The following ARHGAP32 variants were observed in gnomAD, a reference collection of about 807,000 sequenced individuals.
The protein encoded by ARHGAP32 is rho GTPase-activating protein 32.
A neutral mutation model predicts 186.5 loss-of-function variants in ARHGAP32; 51 were observed. The ratio of observed to expected loss-of-function variants is 0.27; its 90% CI spans 0.22 to 0.35. The LOEUF (loss-of-function observed/expected upper bound fraction) is 0.35, where lower values mean the gene tolerates loss of function less well. ARHGAP32 is among the 10% of genes least tolerant of loss of function. The pLI is 1.00. For synonymous variants in ARHGAP32, 950 were observed against 964.3 expected (o/e 0.99, Z 0.27); for missense variants, 2,186 against 2,623.5 (o/e 0.83, Z 3.64).
At chr11:129,219,856 C>A (rs190125810) in intron 1 of ARHGAP32, among the ~76,000 whole-genome samples, 1 of 152,134 alleles carries the variant, frequency 6.6e-6, no homozygotes, top group African/African-American at 2.4e-5. Flanking sequence ...TAACTACACA[C>A]ATACACACAC....
At chr11:129,085,120 C>T (rs1941346412) in intron 6 of ARHGAP32, among the ~76,000 whole-genome samples, 1 of 151,904 alleles carries the variant, frequency 6.6e-6, no homozygotes, top group East Asian at 1.9e-4. Flanking sequence ...ATGTACTAGG[C>T]TTAAGCGATC....
At chr11:129,029,952 T>C (rs1939042770) in intron 11 of ARHGAP32, among the ~76,000 whole-genome samples, 1 of 152,126 alleles carries the variant, frequency 6.6e-6, no homozygotes. Flanking sequence ...AAGCACTTTA[T>C]AAATACATGG....
intron 1 of ARHGAP32, among the ~76,000 whole-genome samples, chr11:129,246,304 CA>C (rs1317468228): frequency 6.6e-6 from 1 of 152,008 alleles, no homozygotes; most frequent in Non-Finnish European, 1.5e-5. Context: ...AACGAAAGGT[CA>C]AAAATTTCAA....
At chr11:128,982,857 C>T (rs886275898) in intron 15 of ARHGAP32, among the ~76,000 whole-genome samples, 2 of 135,136 alleles carry the variant, frequency 1.5e-5, no homozygotes, top group Non-Finnish European at 3.1e-5. Context: ...TGCCACTGCA[C>T]TCCAGCCTGG....
At chr11:129,125,799 T>C (rs1053693590) in intron 2 of ARHGAP32, 16 of 368,918 alleles carry the variant, frequency 4.3e-5, no homozygotes, top group South Asian at 3.4e-4. Flanking sequence ...TTTTGAGGGT[T>C]TTTTTTTTCT....
At chr11:129,134,566 A>G (rs1194532313) in intron 2 of ARHGAP32, among the ~76,000 whole-genome samples, 1 of 152,238 alleles carries the variant, frequency 6.6e-6, no homozygotes, top group Non-Finnish European at 1.5e-5. Flanking sequence ...TTTTAAAACC[A>G]ATTTTAAAAT....
At chr11:129,010,775 G>A (rs1938041094) in intron 11 of ARHGAP32, among the ~76,000 whole-genome samples, 1 of 152,154 alleles carries the variant, frequency 6.6e-6, no homozygotes, top group African/African-American at 2.4e-5. Flanking sequence ...TCTAGCTTTT[G>A]TCTGATAGTA....
chr11:129,126,915 G>C (rs1179253811), intron 2 of ARHGAP32, among the ~76,000 whole-genome samples: 2 of 151,934 alleles, frequency 1.3e-5, no homozygotes, highest in African/African-American at 2.4e-5. Flanking sequence ...TTACTTAACA[G>C]GTTCGCCAAG....
intron 1 of ARHGAP32, among the ~76,000 whole-genome samples, chr11:129,272,444 A>T (rs557273603): frequency 1.3e-5 from 2 of 152,324 alleles, no homozygotes; most frequent in African/African-American, 4.8e-5. Context: ...ATAGAAAACG[A>T]TTAGCTTCCT....
Position 128,973,309 on chromosome 11 carries a change from T to C in ARHGAP32, c.3197A>G (p.Gln1066Arg). Residue 1066 changes from glutamine to arginine, a missense_variant, in exon 22 of 23, where the codon CAG becomes CGG. This residue lies in a region of ARHGAP32 where 1,502 missense variants were observed against 1,570.0 expected (regional missense o/e 0.96). Transcript: ENST00000682385. ...CTTCAATGACTGAGTTGAGGCTTGC[T>C]GTGCGGACTCAGCTAATGCTAGCGC... The part of the protein sequence containing the change: ...MLALALAESA[Q>R]QASTQSLKRP... The C allele has an allele frequency of 6.2e-7, 1 of 1,614,216 alleles. No individual in the cohort carries two copies. Among genetic ancestry groups the C allele is most frequent in the Middle Eastern group, 1.7e-4 (1 of 6,060 alleles).
At chr11:129,029,917 G>A (rs1939041440) in intron 11 of ARHGAP32, among the ~76,000 whole-genome samples, 1 of 150,920 alleles carries the variant, frequency 6.6e-6, no homozygotes, top group South Asian at 2.1e-4. Flanking sequence ...TTAAACAATG[G>A]AAATGTAAGT....
chr11:129,016,451 G>C (rs1199710579), intron 11 of ARHGAP32, among the ~76,000 whole-genome samples: 1 of 152,014 alleles, frequency 6.6e-6, no homozygotes, highest in Non-Finnish European at 1.5e-5. Flanking sequence ...TTTAGGGAGA[G>C]ATATATACTT....
chr11:129,030,542 TCTTCTCACACATGCA>T (rs952676453), intron 11 of ARHGAP32: 8 of 152,090 alleles, frequency 5.3e-5, no homozygotes, highest in Non-Finnish European at 8.8e-5. Flanking sequence ...CTCTTTTCTG[TCTTCTCACACATGCA>T]CTTAACTAGT....
chr11:129,272,442 C>T (rs139092102), intron 1 of ARHGAP32, among the ~76,000 whole-genome samples: 1,523 of 152,280 alleles, frequency 0.01, 10 homozygotes, highest in Non-Finnish European at 0.015. Flanking sequence ...AAATAGAAAA[C>T]GATTAGCTTC....
intron 11 of ARHGAP32, among the ~76,000 whole-genome samples, chr11:129,039,217 A>G (rs537522814): frequency 6.6e-6 from 1 of 152,286 alleles, no homozygotes; most frequent in South Asian, 2.1e-4. Flanking sequence ...TTACCATATG[A>G]CCCAGCAATC....
chr11:128,978,056 T>C (rs1021719547), intron 19 of ARHGAP32, among the ~76,000 whole-genome samples: 4 of 151,898 alleles, frequency 2.6e-5, no homozygotes, highest in African/African-American at 9.7e-5. Flanking sequence ...GCACTAAAAT[T>C]TACTTTCTCA....
intron 1 of ARHGAP32, among the ~76,000 whole-genome samples, chr11:129,202,432 A>G (rs866254235): frequency 6.6e-6 from 1 of 152,210 alleles, no homozygotes; most frequent in Non-Finnish European, 1.5e-5. Context: ...AATAGGAAAT[A>G]TAAGTTCAAA....
intron 12 of ARHGAP32, among the ~76,000 whole-genome samples, chr11:128,991,354 GA>G (rs1489650868): frequency 2.6e-5 from 4 of 151,882 alleles, no homozygotes; most frequent in Non-Finnish European, 4.4e-5. Context: ...AAGTTTAAGG[GA>G]AACAAATGAG....
chr11:129,245,135 A>G (rs1485790785), intron 1 of ARHGAP32, among the ~76,000 whole-genome samples: 16 of 147,086 alleles, frequency 1.1e-4, no homozygotes, highest in African/African-American at 3.8e-4. Flanking sequence ...TGCTGCTATA[A>G]AGACACATGC....
Sources: allele counts gnomAD v4.1 joint callset (sites outside exome capture counted in the v4.1 genomes callset), GRCh38; gene constraint gnomAD v4.1.1; regional missense constraint gnomAD v4.1.1; transcripts MANE v1.5; gene names NCBI Gene and HGNC (gene_info 2026-07-23, HGNC 2026-07-21).